Variants in COL11A1 observed in about 807,000 individuals in gnomAD.
COL11A1 encodes the protein collagen type XI alpha 1 chain, also known as collagen alpha-1(XI) chain.
COL11A1 carries 74 observed loss-of-function variants against 265.2 expected under a neutral mutation model. That is an observed-to-expected ratio of 0.28 (90% CI 0.23 to 0.34). COL11A1 has a LOEUF of 0.34. Ranked by LOEUF, COL11A1 falls within the 10% of genes least tolerant of loss-of-function variation. COL11A1 has a pLI of 1.00. For synonymous variants in COL11A1, 816 were observed against 727.6 expected (o/e 1.12, Z -1.96); for missense variants, 2,165 against 2,263.6 (o/e 0.96, Z 0.88).
chr1:102,895,636 T>C (rs1570654785), intron 57 of COL11A1, among the ~76,000 whole-genome samples: 2 of 152,058 alleles, frequency 1.3e-5, no homozygotes, highest in Non-Finnish European at 2.9e-5. Flanking sequence ...CAGAGATTAA[T>C]AGAAACCTCT....
intron 4 of COL11A1, among the ~76,000 whole-genome samples, chr1:103,040,014 G>A: frequency 6.6e-6 from 1 of 151,830 alleles, no homozygotes; most frequent in Non-Finnish European, 1.5e-5. Flanking sequence ...AATAAGAAAT[G>A]TAAAAAAGCA....
At chr1:102,896,964 T>C (rs1488411264) in intron 57 of COL11A1, among the ~76,000 whole-genome samples, 1 of 152,166 alleles carries the variant, frequency 6.6e-6, no homozygotes, top group Non-Finnish European at 1.5e-5. Context: ...GTGGAGCTGA[T>C]CCTGCTTCAA....
At chr1:103,047,635 G>T (rs553928439) in intron 4 of COL11A1, among the ~76,000 whole-genome samples, 1 of 152,066 alleles carries the variant, frequency 6.6e-6, no homozygotes, top group South Asian at 2.1e-4. Flanking sequence ...AACTTCCAAC[G>T]CTATGTTGAA....
chr1:102,995,796 CT>C, intron 28 of COL11A1, 67 bp downstream of exon 28: 1 of 1,285,792 alleles, frequency 7.8e-7, no homozygotes, highest in South Asian at 1.2e-5. Context: ...AATAAAATGT[CT>C]GTTGAATAAA....
chr1:102,984,258 AATT>A (rs1184157543), intron 30 of COL11A1, 67 bp from the exon 31 acceptor site: 1 of 1,074,982 alleles, frequency 9.3e-7, no homozygotes, highest in Non-Finnish European at 1.4e-6. Context: ...TAATGATTTC[AATT>A]TTTTTTAAAT....
Position 102,996,042 on chromosome 1 carries a change from C to A in COL11A1, c.2242G>T (p.Gly748Cys), listed in dbSNP as rs1664594055. ...ATAGGACCTTGTGGACCAGGGGGACCCTGAAATAGATGAATTACCACTTAT... is the reference window on the plus strand; with the variant it reads ...ATAGGACCTTGTGGACCAGGGGGACACTGAAATAGATGAATTACCACTTAT... ...EGQSGEKGAL[G>C]PPGPQGPIGY... The change falls in exon 27 of 67, where the codon GGT becomes TGT. Residue 748 changes from glycine to cysteine, a missense_variant and splice_region_variant. Physicochemically the swap from Gly to Cys is radical, Grantham distance 159 (BLOSUM62 -3). Coordinates refer to ENST00000370096, the MANE Select transcript of COL11A1 (RefSeq NM_001854.4). 1 of 1,613,002 alleles carries A rather than the reference C, an allele frequency of 6.2e-7. No individual in the cohort carries two copies. The highest frequency in any genetic ancestry group is 8.5e-7 in the Non-Finnish European group (1 of 1,179,412).
At chr1:102,964,264 A>G (rs1661190757) in intron 38 of COL11A1, among the ~76,000 whole-genome samples, 1 of 152,210 alleles carries the variant, frequency 6.6e-6, no homozygotes, top group Non-Finnish European at 1.5e-5. Context: ...GTATAATAGG[A>G]ATAATTTTTC....
chr1:103,029,593 TA>T (rs1459763050), intron 5 of COL11A1, among the ~76,000 whole-genome samples: 3 of 151,968 alleles, frequency 2.0e-5, no homozygotes, highest in East Asian at 1.9e-4. Context: ...TTACTCAATC[TA>T]AAAAAAGGTA....
chr1:102,957,832 T>C (rs1176772066), intron 41 of COL11A1, among the ~76,000 whole-genome samples: 1 of 151,882 alleles, frequency 6.6e-6, no homozygotes, highest in Admixed American at 6.6e-5. Context: ...TCTTTAAATA[T>C]GGAATGGTAA....
chr1:103,040,723 G>A (rs1309369534), intron 4 of COL11A1, among the ~76,000 whole-genome samples: 1 of 151,534 alleles, frequency 6.6e-6, no homozygotes, highest in Non-Finnish European at 1.5e-5. Flanking sequence ...AAATCATTTT[G>A]AGACCTCTTT....
At chr1:103,057,287 G>A (rs1294247417) in intron 4 of COL11A1, among the ~76,000 whole-genome samples, 1 of 152,110 alleles carries the variant, frequency 6.6e-6, no homozygotes, top group African/African-American at 2.4e-5. Context: ...TCCATAAGAA[G>A]CAACTCATCT....
intron 38 of COL11A1, among the ~76,000 whole-genome samples, chr1:102,963,410 A>T (rs920498957): frequency 6.6e-6 from 1 of 152,166 alleles, no homozygotes; most frequent in Non-Finnish European, 1.5e-5. Flanking sequence ...AGTGAACAAT[A>T]TCAGGTCATT....
At chr1:103,031,509 A>G (rs1272315250) in intron 4 of COL11A1, among the ~76,000 whole-genome samples, 1 of 152,096 alleles carries the variant, frequency 6.6e-6, no homozygotes, top group East Asian at 1.9e-4. Flanking sequence ...TCAAAACTCA[A>G]TTTTACTCCA....
chr1:103,000,736 GA>G (rs1217207073), intron 24 of COL11A1, among the ~76,000 whole-genome samples: 1 of 151,892 alleles, frequency 6.6e-6, no homozygotes, highest in East Asian at 1.9e-4. Context: ...CATAACACAA[GA>G]ATTCTGCTTC....
rs151118614 is a variant in COL11A1, at chr1:103,086,644, C to A, written c.107-3672G>T. On this transcript the variant is annotated intron_variant, in intron 1 of 66. Transcript: ENST00000370096. ...TGTTAGCCAGGATGGTCTTGATCTC[C>A]TGACTTCCTGATCCGCCCGCCTCGG... is the stretch of plus-strand genomic sequence containing the variant. 3.8e-3 allele frequency among the ~76,000 whole-genome samples: 578 copies of A among 152,048 alleles called. 6 individuals are homozygous for A. Among genetic ancestry groups the A allele is most frequent in the African/African-American group, 0.012 (505 of 41,478 alleles).
chr1:103,025,935 G>A (rs753535008), intron 6 of COL11A1: 1 of 1,611,806 alleles, frequency 6.2e-7, no homozygotes, highest in South Asian at 1.1e-5. Flanking sequence ...TCTTCTTTTT[G>A]AAATTGGATT....
At chr1:102,939,646 G>C (rs1658513587) in intron 43 of COL11A1, among the ~76,000 whole-genome samples, 1 of 151,936 alleles carries the variant, frequency 6.6e-6, no homozygotes, top group Non-Finnish European at 1.5e-5. Context: ...TGAGGCTGCA[G>C]TGAGCCCTGT....
At chr1:103,105,246 T>A (rs1674603132) in intron 1 of COL11A1, among the ~76,000 whole-genome samples, 1 of 152,088 alleles carries the variant, frequency 6.6e-6, no homozygotes, top group Non-Finnish European at 1.5e-5. Context: ...AGAATATCAA[T>A]AAATCGCTGA....
At chr1:103,084,549 A>G (rs1287389381) in intron 1 of COL11A1, among the ~76,000 whole-genome samples, 6 of 151,290 alleles carry the variant, frequency 4.0e-5, no homozygotes, top group Non-Finnish European at 8.8e-5. Flanking sequence ...AGGCTATAAC[A>G]CGGATCAACC....
Sources: allele counts gnomAD v4.1 joint callset (sites outside exome capture counted in the v4.1 genomes callset), GRCh38; gene constraint gnomAD v4.1.1; transcripts MANE v1.5; gene names NCBI Gene and HGNC (gene_info 2026-07-23, HGNC 2026-07-21).